The following SPON1 variants were observed in gnomAD, a reference collection of about 807,000 sequenced individuals.
SPON1 encodes the protein spondin 1, also known as spondin-1.
Under a neutral mutation model 111.7 loss-of-function variants are expected in SPON1, and 52 were observed. The ratio of observed to expected loss-of-function variants is 0.47; its 90% confidence interval spans 0.37 to 0.59. The LOEUF (loss-of-function observed/expected upper bound fraction) is 0.59. Ranked by LOEUF, SPON1 falls within the 20% of genes least tolerant of loss-of-function variation. The probability of loss-of-function intolerance (pLI) is 0.00; values close to 1 mark genes in which losing one functional copy is unlikely to be tolerated. For synonymous variants in SPON1, 410 were observed against 395.8 expected (o/e 1.04, Z -0.43); for missense variants, 957 against 1,068.5 (o/e 0.90, Z 1.46).
At chr11:14,190,310 A>G (rs1405552900) in intron 6 of SPON1, among the ~76,000 whole-genome samples, 1 of 152,214 alleles carries the variant, frequency 6.6e-6, no homozygotes, top group Non-Finnish European at 1.5e-5. Flanking sequence ...TAAGCTGATC[A>G]TTTTTTAAAA....
chr11:14,107,718 C>A (rs1012777079), intron 5 of SPON1, among the ~76,000 whole-genome samples: 3 of 152,040 alleles, frequency 2.0e-5, no homozygotes, highest in Non-Finnish European at 4.4e-5. Flanking sequence ...AATCCCCAAA[C>A]CAGATCAGAG....
Position 14,255,766 on chromosome 11 carries a change from C to G in SPON1, c.1212C>G (p.Val404=). The G allele has an allele frequency of 6.2e-7, 1 of 1,613,892 alleles. No homozygotes were observed. The highest frequency in any genetic ancestry group is 1.1e-5 in the South Asian group (1 of 91,060). Residue 404 remains valine (V), a synonymous_variant, in exon 9 of 16, where the codon GTC becomes GTG. Transcript: ENST00000576479. The part of the protein sequence containing the change: ...GGSITQVARV[V]IERIARKGEQ... Reference sequence around the variant, plus strand: ...CCATCACTCAAGTAGCCAGAGTTGTCATCGAGAGAATCGCACGGAAGGTAC... The same window carrying G: ...CCATCACTCAAGTAGCCAGAGTTGTGATCGAGAGAATCGCACGGAAGGTAC...
At chr11:14,128,521 G>GC (rs1847489288) in intron 5 of SPON1, among the ~76,000 whole-genome samples, 1 of 152,212 alleles carries the variant, frequency 6.6e-6, no homozygotes, top group Non-Finnish European at 1.5e-5. Context: ...GCAGGGTACA[G>GC]CCCCCGCGGA....
chr11:14,057,724 C>T (rs899987728), intron 3 of SPON1, among the ~76,000 whole-genome samples: 2 of 150,126 alleles, frequency 1.3e-5, no homozygotes, highest in East Asian at 3.9e-4. Context: ...TTGCCAGACA[C>T]AGTGGCTCAT....
Position 14,259,268 on chromosome 11 carries a change from G to A in SPON1, c.1493-12G>A, listed in dbSNP as rs782158671. ...CCGTGCACTGCTGCAGCGTTCACTC[G>A]GTGTGTTGCAGACGGCTCCACCTGC... On this transcript the variant is annotated splice_polypyrimidine_tract_variant and intron_variant, in intron 11 of 15. Coordinates refer to ENST00000576479, the MANE Select transcript of SPON1 (RefSeq NM_006108.4). The surrounding 1 kb of genome is among the most constrained non-coding windows in gnomAD (Gnocchi z 5.0). The A allele has an allele frequency of 6.9e-6, 11 of 1,603,602 alleles. No individual in the cohort carries two copies. The highest frequency in any genetic ancestry group is 6.7e-5 in the African/African-American group (5 of 74,714).
intron 5 of SPON1, among the ~76,000 whole-genome samples, chr11:14,082,248 T>C (rs970902821): frequency 1.3e-5 from 2 of 152,182 alleles, no homozygotes; most frequent in Non-Finnish European, 2.9e-5. Context: ...ACAGAGTTTC[T>C]GTGGAGTTGT....
At chr11:14,032,289 T>A (rs1214498378) in intron 2 of SPON1, among the ~76,000 whole-genome samples, 1 of 150,810 alleles carries the variant, frequency 6.6e-6, no homozygotes, top group Admixed American at 6.6e-5. Flanking sequence ...GGTGGTGGAA[T>A]GATCAGGAAC....
At chr11:14,172,651 T>C (rs1848119831) in intron 6 of SPON1, among the ~76,000 whole-genome samples, 1 of 151,928 alleles carries the variant, frequency 6.6e-6, no homozygotes, top group Non-Finnish European at 1.5e-5. Context: ...TTTCCATGTT[T>C]AGTGCTTCCT....
At chr11:14,200,222 G>A (rs1227574095) in intron 6 of SPON1, among the ~76,000 whole-genome samples, 2 of 152,146 alleles carry the variant, frequency 1.3e-5, no homozygotes, top group Non-Finnish European at 2.9e-5. Flanking sequence ...TTTATAGCTT[G>A]TCTTGTGTGC....
intron 2 of SPON1, among the ~76,000 whole-genome samples, chr11:13,989,599 G>A (rs1848212047): frequency 6.6e-6 from 1 of 151,978 alleles, no homozygotes; most frequent in Non-Finnish European, 1.5e-5. Flanking sequence ...TTTTGAATTT[G>A]TTTGCTGTTG....
At chr11:14,088,871 T>A (rs1359679654) in intron 5 of SPON1, among the ~76,000 whole-genome samples, 2 of 151,964 alleles carry the variant, frequency 1.3e-5, no homozygotes, top group Non-Finnish European at 2.9e-5. Flanking sequence ...CGTGCCTTAT[T>A]TTGGTAAGTT....
intron 2 of SPON1, among the ~76,000 whole-genome samples, chr11:14,011,994 T>A (rs980837794): frequency 4.6e-5 from 7 of 152,268 alleles, no homozygotes; most frequent in African/African-American, 1.4e-4. Context: ...GTGTGAGGGC[T>A]GCAATGCATA....
chr11:14,159,110 A>G (rs1591392601), intron 6 of SPON1, among the ~76,000 whole-genome samples: 1 of 152,088 alleles, frequency 6.6e-6, no homozygotes, highest in South Asian at 2.1e-4. Flanking sequence ...AAAAACCTCT[A>G]TGGATTTAAC....
chr11:14,042,429 G>C (rs543529641), intron 3 of SPON1, among the ~76,000 whole-genome samples: 1 of 151,986 alleles, frequency 6.6e-6, no homozygotes, highest in African/African-American at 2.4e-5. Flanking sequence ...GTTTCACCCA[G>C]TATTTATGGT....
chr11:14,245,070 T>C (rs1243943226), intron 7 of SPON1, among the ~76,000 whole-genome samples: 3 of 152,164 alleles, frequency 2.0e-5, no homozygotes, highest in Admixed American at 6.5e-5. Context: ...AACACCCGTA[T>C]TGAAGACAGC....
chr11:14,181,469 G>A (rs1848234508), intron 6 of SPON1, among the ~76,000 whole-genome samples: 1 of 152,160 alleles, frequency 6.6e-6, no homozygotes, highest in Non-Finnish European at 1.5e-5. Context: ...TCCTACAAAA[G>A]TTTTATGACA....
chr11:13,968,909 G>T (rs1212435752), intron 1 of SPON1, among the ~76,000 whole-genome samples: 5 of 152,166 alleles, frequency 3.3e-5, no homozygotes, highest in Non-Finnish European at 7.4e-5. Flanking sequence ...GCTAAAACTT[G>T]AAGAATTTAT....
intron 6 of SPON1, among the ~76,000 whole-genome samples, chr11:14,146,150 C>CTT (rs10674430): frequency 0.015 from 2,023 of 130,938 alleles, 82 homozygotes; most frequent in African/African-American, 0.046. Flanking sequence ...AATTACTATA[C>CTT]TTTTTTTTTT....
At chr11:14,187,100 A>G (rs1441290850) in intron 6 of SPON1, among the ~76,000 whole-genome samples, 1 of 152,216 alleles carries the variant, frequency 6.6e-6, no homozygotes, top group African/African-American at 2.4e-5. Flanking sequence ...ACGGAAGGCA[A>G]GGGGGAGCAG....
Sources: gnomAD v4.1 joint callset for allele counts (sites outside exome capture counted in the v4.1 genomes callset) on GRCh38, gnomAD v4.1.1 for gene constraint, Gnocchi (gnomAD v3.1) non-coding constraint, MANE v1.5 for transcripts, NCBI Gene and HGNC (gene_info 2026-07-23, HGNC 2026-07-21) for gene names.